DAAM2: variants seen among roughly 807,000 people sequenced by gnomAD.
DAAM2 encodes the protein dishevelled associated activator of morphogenesis 2, also known as disheveled-associated activator of morphogenesis 2.
DAAM2 carries 39 observed loss-of-function variants against 120.7 expected under a neutral mutation model. The observed-to-expected ratio is 0.32, with a 90% confidence interval of 0.25 to 0.42. DAAM2 has a LOEUF of 0.42. DAAM2 is among the 10% of genes least tolerant of loss of function. The pLI, the probability that DAAM2 is intolerant of heterozygous loss-of-function variation, is 1.00. For synonymous variants in DAAM2, 488 were observed against 524.9 expected (o/e 0.93, Z 0.96); for missense variants, 1,283 against 1,401.7 (o/e 0.92, Z 1.35).
At position 39,904,497 on chromosome 6, in the gene DAAM2, T is replaced by C. The variant is rs1766688731; in HGVS notation, c.*2460T>C. The C allele has an allele frequency of 2.2e-6, 1 of 454,316 alleles. No homozygotes were observed. The highest frequency in any genetic ancestry group is 2.0e-5 in the African/African-American group (1 of 50,016). The allele number at this position is 454,316 out of a possible 1,614,324, so 28.1% of individuals were successfully genotyped here. A position where few individuals can be genotyped will look rare whatever the true frequency, so the allele number is the denominator to read the frequency against. ...CCTGCCACCTTTAGATAAGTTTCTC[T>C]AGCTAATTTTGTGGCCAATGTAAAA... On this transcript the variant is annotated 3_prime_UTR_variant, in exon 25 of 25. Coordinates refer to ENST00000274867, the MANE Select transcript of DAAM2 (RefSeq NM_001201427.2).
intron 1 of DAAM2, chr6:39,848,740 A>C (rs1357045667): frequency 6.6e-6 from 1 of 152,134 alleles, no homozygotes; most frequent in African/African-American, 2.4e-5. Context: ...GCGTGTGCTT[A>C]TTTTTGAAAG....
intron 1 of DAAM2, among the ~76,000 whole-genome samples, chr6:39,806,997 G>A (rs1762028258): frequency 1.3e-5 from 2 of 152,102 alleles, no homozygotes; most frequent in South Asian, 4.1e-4. Context: ...TTTACTGTAA[G>A]ACCCAGCAAT....
Position 39,867,562 on chromosome 6 carries a change from C to T in DAAM2, c.481C>T (p.Leu161Phe), listed in dbSNP as rs1341530988. The change falls in exon 6 of 25, where the codon CTC becomes TTC. Residue 161 changes from leucine to phenylalanine, a missense_variant. Transcript: ENST00000274867. ...GGGCTTGACCTGTCTGCTAAATTTC[C>T]TCCGGAGCATGGACCACGCCACCTG... Reference protein sequence around the residue: ...LEGLTCLLNFLRSMDHATCES... With the variant: ...LEGLTCLLNFFRSMDHATCES... The T allele has an allele frequency of 6.2e-7, 1 of 1,614,036 alleles. No individual in the cohort carries two copies. The highest frequency in any genetic ancestry group is 1.1e-5 in the South Asian group (1 of 91,080).
At chr6:39,817,771 C>T (rs929525980) in intron 1 of DAAM2, among the ~76,000 whole-genome samples, 12 of 152,110 alleles carry the variant, frequency 7.9e-5, no homozygotes, top group Non-Finnish European at 1.2e-4. Context: ...TGGGGGACCT[C>T]GGTCATTTTC....
chr6:39,890,207 C>T (rs1174057987), intron 17 of DAAM2, among the ~76,000 whole-genome samples: 1 of 152,100 alleles, frequency 6.6e-6, no homozygotes, highest in Non-Finnish European at 1.5e-5. Flanking sequence ...TCCTCATTGT[C>T]TTCACGCTGA....
In DAAM2 at chr6:39,887,722, G is replaced by C. The variant is rs1765462029; in HGVS notation, c.2060+130G>C. ...GAGGGGCAGGCATTGATCTGGAACT[G>C]TCTCTCGGGAACCTGCCTTGAGCAG... is the stretch of plus-strand genomic sequence containing the variant. On this transcript the variant is annotated intron_variant, in intron 16 of 24. Coordinates refer to ENST00000274867, the MANE Select transcript of DAAM2 (RefSeq NM_001201427.2). 1.4e-5 allele frequency: 6 copies of C among 424,126 alleles called. No homozygotes were observed. The South Asian group carries it at 2.3e-4, about 16-fold the overall frequency. The allele number at this position is 424,126 out of a possible 1,614,324, so 26.3% of individuals were successfully genotyped here.
At chr6:39,804,522 C>CTG (rs10688621) in intron 1 of DAAM2, among the ~76,000 whole-genome samples, 57,213 of 149,038 alleles carry the variant, frequency 0.38, 11,307 homozygotes, top group Admixed American at 0.46. Context: ...GAGATCAGTT[C>CTG]TGTGTGTGTG....
intron 1 of DAAM2, among the ~76,000 whole-genome samples, chr6:39,826,700 A>G (rs908682994): frequency 6.6e-6 from 1 of 152,188 alleles, no homozygotes; most frequent in African/African-American, 2.4e-5. Flanking sequence ...ATTAAGAAAA[A>G]TGTACATAAA....
At chr6:39,804,522 CTGTGTGTGTGTG>C (rs10688621) in intron 1 of DAAM2, among the ~76,000 whole-genome samples, 2 of 149,452 alleles carry the variant, frequency 1.3e-5, no homozygotes, top group South Asian at 2.2e-4. Context: ...GAGATCAGTT[CTGTGTGTGTGTG>C]TGTGTGTGTG....
chr6:39,860,362 G>T (rs947540406), intron 2 of DAAM2, among the ~76,000 whole-genome samples: 1 of 152,210 alleles, frequency 6.6e-6, no homozygotes, highest in Admixed American at 6.5e-5. Context: ...ACTCTGAGCA[G>T]CCCCTTGTCC....
intron 14 of DAAM2, among the ~76,000 whole-genome samples, chr6:39,880,881 T>C (rs1582727435): frequency 6.6e-6 from 1 of 152,336 alleles, no homozygotes; most frequent in East Asian, 1.9e-4. Context: ...CTGTGGGTGC[T>C]CTGTGGCCAT....
chr6:39,850,536 C>T (rs1331836853), intron 1 of DAAM2, among the ~76,000 whole-genome samples: 1 of 152,168 alleles, frequency 6.6e-6, no homozygotes, highest in Non-Finnish European at 1.5e-5. Flanking sequence ...CAGTGTTCAA[C>T]ACATGGCTAG....
chr6:39,831,559 T>C (rs531441367), intron 1 of DAAM2, among the ~76,000 whole-genome samples: 1 of 151,654 alleles, frequency 6.6e-6, no homozygotes, highest in East Asian at 2.0e-4. Context: ...GCTCTAGGAT[T>C]TGCACCCAGG....
chr6:39,804,273 T>C (rs1436025021), intron 1 of DAAM2, among the ~76,000 whole-genome samples: 1 of 152,202 alleles, frequency 6.6e-6, no homozygotes, highest in Non-Finnish European at 1.5e-5. Flanking sequence ...GTTAACAGAT[T>C]TGATACTCCT....
At chr6:39,871,453 A>G (rs1379731396) in intron 8 of DAAM2, 53 bp from the exon 9 acceptor site, 4 of 1,504,380 alleles carry the variant, frequency 2.7e-6, no homozygotes, top group African/African-American at 1.4e-5. Context: ...CCCTCAACCA[A>G]GGGTGTGTCC....
chr6:39,823,906 GT>G (rs1008283124), intron 1 of DAAM2, among the ~76,000 whole-genome samples: 1 of 152,066 alleles, frequency 6.6e-6, no homozygotes, highest in African/African-American at 2.4e-5. Context: ...CCCTGCTGGG[GT>G]TTTGGGTCTT....
Position 39,899,959 on chromosome 6 carries a change from G to A in DAAM2, c.2680-118G>A, listed in dbSNP as rs957367850. On this transcript the variant is annotated intron_variant, in intron 22 of 24. Coordinates refer to ENST00000274867, the MANE Select transcript of DAAM2 (RefSeq NM_001201427.2). ...CATCCTTAGAACTTTGAGATGCAGG[G>A]TGTTCCCTCTTCCAAAGGGCTCAAT... The A allele has an allele frequency of 5.5e-6, 6 of 1,091,852 alleles. No homozygotes were observed. The South Asian group carries it at 1.0e-4, about 19-fold the overall frequency. The allele number at this position is 1,091,852 out of a possible 1,614,324, so 67.6% of individuals were successfully genotyped here.
At chr6:39,849,112 A>G (rs1280281340) in intron 1 of DAAM2, among the ~76,000 whole-genome samples, 1 of 152,234 alleles carries the variant, frequency 6.6e-6, no homozygotes, top group Non-Finnish European at 1.5e-5. Flanking sequence ...TCAGTTGCGT[A>G]GGAATCAATC....
At chr6:39,832,218 G>C (rs1350174431) in intron 1 of DAAM2, among the ~76,000 whole-genome samples, 1 of 151,956 alleles carries the variant, frequency 6.6e-6, no homozygotes, top group Non-Finnish European at 1.5e-5. Context: ...GGTGAAAGTG[G>C]GGCTTGACTA....
Sources: allele counts gnomAD v4.1 joint callset (sites outside exome capture counted in the v4.1 genomes callset), GRCh38; gene constraint gnomAD v4.1.1; transcripts MANE v1.5; gene names NCBI Gene and HGNC (gene_info 2026-07-23, HGNC 2026-07-21).